RBFOX1: variants seen among roughly 807,000 people sequenced by gnomAD.
The protein encoded by RBFOX1 is RNA binding protein fox-1 homolog 1.
RBFOX1 carries 8 observed loss-of-function variants against 57.7 expected under a neutral mutation model. The ratio of observed to expected loss-of-function variants is 0.14; its 90% CI spans 0.08 to 0.25. The LOEUF is 0.25. Ranked by LOEUF, RBFOX1 falls within the 10% of genes least tolerant of loss-of-function variation. The probability of loss-of-function intolerance (pLI) is 1.00; values close to 1 mark genes in which losing one functional copy is unlikely to be tolerated. For missense variants in RBFOX1, 611 were observed against 548.5 expected (o/e 1.11, Z -1.14); for synonymous variants, 326 against 222.4 (o/e 1.47, Z -4.15).
At chr16:6,401,399 C>T (rs2093062182) in intron 2 of RBFOX1, among the ~76,000 whole-genome samples, 1 of 152,170 alleles carries the variant, frequency 6.6e-6, no homozygotes, top group South Asian at 2.1e-4. Context: ...AACTTATAAG[C>T]ATAACTCACA....
At chr16:7,444,056 A>T (rs1001379389) in intron 4 of RBFOX1, among the ~76,000 whole-genome samples, 29 of 152,232 alleles carry the variant, frequency 1.9e-4, no homozygotes, top group African/African-American at 7.0e-4. Context: ...AGGTGCTAAT[A>T]TACATGGAAG....
intron 2 of RBFOX1, among the ~76,000 whole-genome samples, chr16:6,560,672 A>C (rs1387445780): frequency 6.6e-6 from 1 of 152,212 alleles, no homozygotes; most frequent in African/African-American, 2.4e-5. Context: ...CTTACATTTC[A>C]AATGAATAAT....
chr16:7,186,532 G>A (rs62639526), intron 4 of RBFOX1, among the ~76,000 whole-genome samples: 5 of 119,444 alleles, frequency 4.2e-5, no homozygotes, highest in Admixed American at 8.4e-5. Context: ...ATAAATATAA[G>A]CATAAACATA....
intron 4 of RBFOX1, among the ~76,000 whole-genome samples, chr16:7,406,147 C>A (rs910658607): frequency 1.3e-5 from 2 of 152,138 alleles, no homozygotes; most frequent in African/African-American, 4.8e-5. Flanking sequence ...AGAGTACAAT[C>A]TTTGAAACTG....
chr16:6,646,896 G>T (rs2098538808), intron 2 of RBFOX1, among the ~76,000 whole-genome samples: 1 of 152,160 alleles, frequency 6.6e-6, no homozygotes, highest in African/African-American at 2.4e-5. Flanking sequence ...GACAGGGTGA[G>T]AAAAGGAAGA....
rs1274497883 is a variant in RBFOX1, at chr16:6,813,121, A to T, written c.-16+158471A>T. 2.0e-5 allele frequency among the ~76,000 whole-genome samples: 3 copies of T among 151,982 alleles called. 1 individual carries two copies. Among genetic ancestry groups the T allele is most frequent in the Non-Finnish European group, 4.4e-5 (3 of 68,008 alleles). On this transcript the variant is annotated intron_variant, in intron 3 of 15. Coordinates refer to ENST00000550418, the MANE Select transcript of RBFOX1 (RefSeq NM_018723.4). ...ACTCCCATTAAAAAAAAAAAGTGCA[A>T]CCTAAGTTTTCAGGCCTCACCTTTG...
intron 3 of RBFOX1, among the ~76,000 whole-genome samples, chr16:6,713,789 A>G (rs2064196420): frequency 6.6e-6 from 1 of 152,022 alleles, no homozygotes; most frequent in Admixed American, 6.6e-5. Flanking sequence ...TTCAGTTTTG[A>G]CACCACCTTC....
chr16:7,383,917 G>T (rs547896909), intron 4 of RBFOX1, among the ~76,000 whole-genome samples: 12 of 152,192 alleles, frequency 7.9e-5, no homozygotes, highest in Admixed American at 6.5e-4. Flanking sequence ...AGCTGGGCAT[G>T]GTGGCATGTG....
chr16:7,699,888 A>C (rs534905646), intron 14 of RBFOX1, among the ~76,000 whole-genome samples: 1 of 152,230 alleles, frequency 6.6e-6, no homozygotes, highest in African/African-American at 2.4e-5. Context: ...GTCCCCAAGA[A>C]CTGGTCATTT....
intron 3 of RBFOX1, among the ~76,000 whole-genome samples, chr16:5,756,603 G>A (rs1331181376): frequency 6.6e-6 from 1 of 152,122 alleles, no homozygotes; most frequent in African/African-American, 2.4e-5. Flanking sequence ...ATTTATCGTG[G>A]CTTAACTAAT....
rs1314942221 is a variant in RBFOX1 at position 7,188,827 on chromosome 16, G to C, written c.27+136729G>C. Among the ~76,000 whole-genome samples, 3 of 152,196 alleles carry C rather than the reference G, an allele frequency of 2.0e-5. 1 individual carries two copies. Among genetic ancestry groups the C allele is most frequent in the South Asian group, 2.1e-4 (1 of 4,830 alleles). On this transcript the variant is annotated intron_variant, in intron 4 of 15. Transcript: ENST00000550418. ...GGAACCAAAGAATGACATTGAGTTGGCTGTTAAAAATGCAAATTTTGGAGT... is the reference window on the plus strand; with the variant it reads ...GGAACCAAAGAATGACATTGAGTTGCCTGTTAAAAATGCAAATTTTGGAGT...
intron 1 of RBFOX1, among the ~76,000 whole-genome samples, chr16:5,343,851 A>C (rs1312777276): frequency 1.3e-5 from 2 of 152,206 alleles, no homozygotes; most frequent in African/African-American, 4.8e-5. Flanking sequence ...ATGTATTACT[A>C]AATAGTTCAC....
intron 4 of RBFOX1, among the ~76,000 whole-genome samples, chr16:7,370,714 G>T (rs768704424): frequency 1.3e-5 from 2 of 152,248 alleles, no homozygotes; most frequent in South Asian, 4.1e-4. Flanking sequence ...TTGTGAACTA[G>T]TGGCCAGTTT....
chr16:7,674,748 A>ATGTT (rs1443174238), intron 13 of RBFOX1, among the ~76,000 whole-genome samples: 1 of 152,138 alleles, frequency 6.6e-6, no homozygotes, highest in Non-Finnish European at 1.5e-5. Context: ...CCTGCATTTG[A>ATGTT]TGTTTCTACT....
intron 3 of RBFOX1, among the ~76,000 whole-genome samples, chr16:5,793,343 A>T (rs534820997): frequency 6.0e-4 from 92 of 152,286 alleles, no homozygotes; most frequent in African/African-American, 2.0e-3. Context: ...TTGTTTTGTC[A>T]ACATGCCATT....
At chr16:5,925,275 T>C (rs2058917531) in intron 4 of RBFOX1, among the ~76,000 whole-genome samples, 1 of 152,178 alleles carries the variant, frequency 6.6e-6, no homozygotes, top group Non-Finnish European at 1.5e-5. Context: ...CATCAGCAAG[T>C]GAACAGACAA....
intron 4 of RBFOX1, among the ~76,000 whole-genome samples, chr16:7,072,590 C>T (rs115541098): frequency 0.01 from 1,538 of 152,304 alleles, 30 homozygotes; most frequent in African/African-American, 0.035. Flanking sequence ...ATAACATAAT[C>T]TGGCTACAAG....
chr16:5,647,690 T>G (rs953126205), intron 3 of RBFOX1, among the ~76,000 whole-genome samples: 2 of 152,160 alleles, frequency 1.3e-5, no homozygotes, highest in African/African-American at 4.8e-5. Flanking sequence ...AACTAATCCG[T>G]AGCTTAACAA....
intron 2 of RBFOX1, among the ~76,000 whole-genome samples, chr16:6,570,044 G>A (rs1261571042): frequency 1.3e-5 from 2 of 152,178 alleles, no homozygotes; most frequent in African/African-American, 4.8e-5. Flanking sequence ...AGTATTGATA[G>A]CATTTTGTTG....
Sources: gnomAD v4.1 joint callset for allele counts (sites outside exome capture counted in the v4.1 genomes callset) on GRCh38, gnomAD v4.1.1 for gene constraint, MANE v1.5 for transcripts, NCBI Gene and HGNC (gene_info 2026-07-23, HGNC 2026-07-21) for gene names.